RAB10: variants seen among roughly 807,000 people sequenced by gnomAD.
RAB10 encodes RAB10, member RAS oncogene family, also known as ras-related protein Rab-10.
RAB10 carries 5 observed loss-of-function variants against 25.7 expected under a neutral mutation model. The ratio of observed to expected loss-of-function variants is 0.19; its 90% CI spans 0.10 to 0.41. RAB10 has a LOEUF of 0.41. Ranked by LOEUF, RAB10 falls within the 10% of genes least tolerant of loss-of-function variation. The probability of loss-of-function intolerance (pLI) is 1.00; values close to 1 mark genes in which losing one functional copy is unlikely to be tolerated. For synonymous variants in RAB10, 89 were observed against 86.4 expected (o/e 1.03, Z -0.16); for missense variants, 103 against 245.8 (o/e 0.42, Z 3.89).
intron 3 of RAB10, among the ~76,000 whole-genome samples, chr2:26,118,118 G>A (rs1336105529): frequency 2.6e-5 from 4 of 151,954 alleles, no homozygotes; most frequent in South Asian, 4.2e-4. Flanking sequence ...GATTACAGGC[G>A]TGTGCCACCA....
chr2:26,060,002 AT>A (rs1186627978), intron 1 of RAB10, among the ~76,000 whole-genome samples: 18 of 152,350 alleles, frequency 1.2e-4, no homozygotes, highest in Middle Eastern at 3.4e-3. Context: ...AGGCCATACC[AT>A]CATGGTCATG....
At chr2:26,049,219 G>A (rs574628692) in intron 1 of RAB10, among the ~76,000 whole-genome samples, 2 of 143,986 alleles carry the variant, frequency 1.4e-5, no homozygotes, top group African/African-American at 5.1e-5. Context: ...TGGAAGGGAT[G>A]TCTGATTGCT....
chr2:26,134,914 A>G (rs1558291131), intron 5 of RAB10, 24 bp from the exon 6 acceptor site: 3 of 1,575,246 alleles, frequency 1.9e-6, no homozygotes, highest in African/African-American at 1.4e-5. Flanking sequence ...TTCATGAGTT[A>G]TTTTCCTTGT....
At chr2:26,103,919 C>CT (rs566018676) in intron 2 of RAB10, among the ~76,000 whole-genome samples, 17 of 150,054 alleles carry the variant, frequency 1.1e-4, no homozygotes, top group South Asian at 2.1e-4. Context: ...GTACTTCATT[C>CT]TTTTTTTTTA....
intron 1 of RAB10, among the ~76,000 whole-genome samples, chr2:26,049,412 T>A: frequency 7.5e-6 from 1 of 133,200 alleles, no homozygotes; most frequent in African/African-American, 3.2e-5. Flanking sequence ...TTTTTCCCTC[T>A]TTTTTTTTTT....
At chr2:26,095,787 C>G (rs1432200320) in intron 1 of RAB10, among the ~76,000 whole-genome samples, 1 of 152,096 alleles carries the variant, frequency 6.6e-6, no homozygotes, top group Non-Finnish European at 1.5e-5. Context: ...TGGCACATAC[C>G]TGTAGTCCCA....
intron 5 of RAB10, among the ~76,000 whole-genome samples, chr2:26,131,428 TC>T (rs1299599796): frequency 6.6e-6 from 1 of 152,196 alleles, no homozygotes; most frequent in African/African-American, 2.4e-5. Flanking sequence ...CAATTTTTTT[TC>T]ATACACATCC....
intron 4 of RAB10, among the ~76,000 whole-genome samples, chr2:26,127,449 CTTAT>C (rs1667928072): frequency 6.6e-6 from 1 of 152,008 alleles, no homozygotes; most frequent in Non-Finnish European, 1.5e-5. Flanking sequence ...TATTTTTAGC[CTTAT>C]TTAAACTACA....
chr2:26,060,644 A>T (rs1666374941), intron 1 of RAB10, among the ~76,000 whole-genome samples: 1 of 152,204 alleles, frequency 6.6e-6, no homozygotes, highest in Non-Finnish European at 1.5e-5. Flanking sequence ...CCAGTGAGAA[A>T]ATTTTGGATT....
At chr2:26,054,187 A>G (rs1170488318) in intron 1 of RAB10, among the ~76,000 whole-genome samples, 1 of 150,512 alleles carries the variant, frequency 6.6e-6, no homozygotes, top group Admixed American at 6.6e-5. Flanking sequence ...AGCTGGAATT[A>G]CAGGCGCCCA....
chr2:26,106,166 A>C (rs1402986732), intron 2 of RAB10, among the ~76,000 whole-genome samples: 1 of 152,248 alleles, frequency 6.6e-6, no homozygotes, highest in Non-Finnish European at 1.5e-5. Context: ...TTAAGGACTG[A>C]AAGTGGGAAA....
chr2:26,033,565 G>A (rs1574519558), upstream of RAB10, among the ~76,000 whole-genome samples: 3 of 152,352 alleles, frequency 2.0e-5, no homozygotes, highest in East Asian at 1.9e-4. Context: ...CTAGCAAAGA[G>A]GCTATTAAAT....
At chr2:26,064,511 T>A (rs1666474568) in intron 1 of RAB10, among the ~76,000 whole-genome samples, 1 of 152,032 alleles carries the variant, frequency 6.6e-6, no homozygotes, top group Admixed American at 6.5e-5. Flanking sequence ...AAAAAATTTT[T>A]TTTTTCATTT....
chr2:26,053,775 A>C (rs1666185257), intron 1 of RAB10, among the ~76,000 whole-genome samples: 1 of 152,082 alleles, frequency 6.6e-6, no homozygotes, highest in Non-Finnish European at 1.5e-5. Flanking sequence ...GCTGGAGTGC[A>C]ATGGCACAGT....
intron 3 of RAB10, among the ~76,000 whole-genome samples, chr2:26,112,939 G>A (rs185221367): frequency 9.2e-4 from 140 of 152,046 alleles, no homozygotes; most frequent in Non-Finnish European, 1.5e-3. Flanking sequence ...AAAATTAGCC[G>A]GGCATGATGG....
At chr2:26,129,390 A>G (rs1393211575) in intron 5 of RAB10, among the ~76,000 whole-genome samples, 1 of 152,128 alleles carries the variant, frequency 6.6e-6, no homozygotes, top group Non-Finnish European at 1.5e-5. Flanking sequence ...TGAAATATTA[A>G]TATATTTTTC....
upstream of RAB10, chr2:26,034,037 C>A (rs1018199131): frequency 4.3e-5 from 17 of 399,634 alleles, no homozygotes; most frequent in African/African-American, 3.3e-4. Context: ...AGAGGCGGAC[C>A]GCAAGGCTAG....
chr2:26,066,870 C>T (rs1666525935), intron 1 of RAB10, among the ~76,000 whole-genome samples: 1 of 151,412 alleles, frequency 6.6e-6, no homozygotes, highest in South Asian at 2.1e-4. Flanking sequence ...GCAGCCTCCA[C>T]CTCCCAGGTT....
At chr2:26,125,656 C>A (rs540542734) in intron 3 of RAB10, among the ~76,000 whole-genome samples, 164 of 152,068 alleles carry the variant, frequency 1.1e-3, no homozygotes, top group African/African-American at 3.9e-3. Flanking sequence ...CACAGTGTTA[C>A]TCAGGCTAGT....
Sources: allele counts gnomAD v4.1 joint callset (sites outside exome capture counted in the v4.1 genomes callset), GRCh38; gene constraint gnomAD v4.1.1; transcripts MANE v1.5; gene names NCBI Gene and HGNC (gene_info 2026-07-23, HGNC 2026-07-21).